WWOX: variants seen among roughly 807,000 people sequenced by gnomAD.
WWOX encodes the protein WW domain-containing oxidoreductase.
Under a neutral mutation model 46.2 loss-of-function variants are expected in WWOX, and 69 were observed. The ratio of observed to expected loss-of-function variants is 1.49; its 90% confidence interval spans 1.23 to 1.82. WWOX has a LOEUF of 1.82. Ranked by LOEUF, WWOX falls within the 40% of genes most tolerant of loss-of-function variation. The pLI is 0.00. For synonymous variants in WWOX, 359 were observed against 202.6 expected, an observed-to-expected ratio of 1.77 and a Z score of -6.56; for missense variants, 919 against 542.6, an observed-to-expected ratio of 1.69 and a Z score of -6.89.
chr16:78,920,306 G>C (rs1461591149), intron 8 of WWOX, among the ~76,000 whole-genome samples: 1 of 152,204 alleles, frequency 6.6e-6, no homozygotes, highest in East Asian at 1.9e-4. Flanking sequence ...GCAGGGATGT[G>C]TAATCTCCCC....
intron 8 of WWOX, among the ~76,000 whole-genome samples, chr16:78,606,421 G>A (rs1486184456): frequency 1.3e-5 from 2 of 151,918 alleles, no homozygotes; most frequent in Non-Finnish European, 2.9e-5. Flanking sequence ...TGGGCTACAT[G>A]CTTTTCAGAA....
intron 8 of WWOX, among the ~76,000 whole-genome samples, chr16:78,775,684 G>A (rs866577408): frequency 1.1e-4 from 17 of 152,286 alleles, no homozygotes; most frequent in South Asian, 2.1e-4. Context: ...TATGGTGCGA[G>A]CAATGGTTCA....
At chr16:78,483,319 T>G (rs912463186) in intron 8 of WWOX, among the ~76,000 whole-genome samples, 18 of 152,080 alleles carry the variant, frequency 1.2e-4, no homozygotes, top group African/African-American at 4.3e-4. Context: ...CAGTGAGGTG[T>G]GCCTCCGCTT....
intron 7 of WWOX, among the ~76,000 whole-genome samples, chr16:78,426,907 C>T (rs1365369113): frequency 6.6e-6 from 1 of 152,218 alleles, no homozygotes. Context: ...TGTGATCCGC[C>T]TGCCTTGGCT....
intron 8 of WWOX, among the ~76,000 whole-genome samples, chr16:78,630,242 A>G (rs138495113): frequency 6.6e-6 from 1 of 152,118 alleles, no homozygotes; most frequent in East Asian, 1.9e-4. Context: ...TATTTTGCTC[A>G]CTGTTGCTGT....
chr16:78,247,762 T>C (rs370480351), intron 5 of WWOX, among the ~76,000 whole-genome samples: 10 of 152,222 alleles, frequency 6.6e-5, no homozygotes, highest in South Asian at 2.1e-4. Context: ...GGATATGGAG[T>C]TCCACTTGTT....
chr16:78,284,196 T>C (rs746844566), intron 5 of WWOX, among the ~76,000 whole-genome samples: 13 of 152,208 alleles, frequency 8.5e-5, no homozygotes, highest in Non-Finnish European at 1.9e-4. Context: ...CCATCTGATT[T>C]TCCTCTTCTT....
chr16:78,729,011 C>T (rs1439046776), intron 8 of WWOX, among the ~76,000 whole-genome samples: 1 of 152,086 alleles, frequency 6.6e-6, no homozygotes, highest in Non-Finnish European at 1.5e-5. Context: ...TTTGTAGGGT[C>T]ATCCCCCTAA....
At chr16:79,110,440 C>T (rs2049395485) in intron 8 of WWOX, among the ~76,000 whole-genome samples, 1 of 152,166 alleles carries the variant, frequency 6.6e-6, no homozygotes, top group African/African-American at 2.4e-5. Context: ...GTCCTGCCTC[C>T]AGCTGTGTAG....
intron 8 of WWOX, among the ~76,000 whole-genome samples, chr16:79,122,217 A>C (rs1194882078): frequency 6.6e-6 from 1 of 152,168 alleles, no homozygotes; most frequent in African/African-American, 2.4e-5. Context: ...GGCACAATTA[A>C]AAGCTGTATA....
At chr16:78,363,141 T>C (rs1412914100) in intron 5 of WWOX, among the ~76,000 whole-genome samples, 1 of 151,856 alleles carries the variant, frequency 6.6e-6, no homozygotes, top group Non-Finnish European at 1.5e-5. Flanking sequence ...TGTGTGTGTA[T>C]GTGTTTGTGT....
At chr16:78,812,330 G>T (rs752853961) in intron 8 of WWOX, among the ~76,000 whole-genome samples, 1 of 152,118 alleles carries the variant, frequency 6.6e-6, no homozygotes, top group Non-Finnish European at 1.5e-5. Context: ...TGGGTTTTGA[G>T]ACCCTCAGGG....
chr16:78,145,393 A>G (rs920576102), intron 4 of WWOX, among the ~76,000 whole-genome samples: 1 of 152,146 alleles, frequency 6.6e-6, no homozygotes, highest in Non-Finnish European at 1.5e-5. Context: ...CTGGCAAACC[A>G]CTGGTGTAAG....
At chr16:78,292,440 C>G (rs937023700) in intron 5 of WWOX, among the ~76,000 whole-genome samples, 2 of 152,036 alleles carry the variant, frequency 1.3e-5, no homozygotes, top group African/African-American at 4.8e-5. Context: ...TTTTAATTAA[C>G]CCAATAAAAA....
intron 8 of WWOX, among the ~76,000 whole-genome samples, chr16:78,493,894 A>G (rs1464203403): frequency 6.6e-6 from 1 of 152,198 alleles, no homozygotes; most frequent in Non-Finnish European, 1.5e-5. Flanking sequence ...GAATGGTAAT[A>G]CTTCCCTACT....
chr16:78,664,966 A>G (rs1311103937), intron 8 of WWOX, among the ~76,000 whole-genome samples: 1 of 152,196 alleles, frequency 6.6e-6, no homozygotes, highest in East Asian at 1.9e-4. Flanking sequence ...CAATACAATG[A>G]ACTTGGGAAG....
intron 8 of WWOX, among the ~76,000 whole-genome samples, chr16:78,537,030 C>A (rs1225003332): frequency 6.6e-6 from 1 of 151,820 alleles, no homozygotes; most frequent in East Asian, 1.9e-4. Context: ...AATTATCAGG[C>A]CTCAACGTCC....
Position 79,134,777 on chromosome 16 carries a change from C to G in WWOX, c.1057-76831C>G, listed in dbSNP as rs551280829. On this transcript the variant is annotated intron_variant, in intron 8 of 8. Coordinates refer to ENST00000566780, the MANE Select transcript of WWOX (RefSeq NM_016373.4). ...GTACTTAGCCAGGGGATTTAGAAAT[C>G]CACCCAGGGATGGCTCCAGTTGCCT... is the stretch of plus-strand genomic sequence containing the variant. Among the ~76,000 whole-genome samples, 3 of 152,260 alleles carry G rather than the reference C, an allele frequency of 2.0e-5. No homozygotes were observed. In the East Asian group the frequency reaches 5.8e-4, roughly 29 times the overall value.
At chr16:78,193,143 C>T (rs984001675) in intron 5 of WWOX, among the ~76,000 whole-genome samples, 2 of 152,206 alleles carry the variant, frequency 1.3e-5, no homozygotes, top group Non-Finnish European at 2.9e-5. Context: ...ATTGTTGTAC[C>T]TCATGTGTGC....
Sources: gnomAD v4.1 joint callset for allele counts (sites outside exome capture counted in the v4.1 genomes callset) on GRCh38, gnomAD v4.1.1 for gene constraint, MANE v1.5 for transcripts, NCBI Gene and HGNC (gene_info 2026-07-23, HGNC 2026-07-21) for gene names.